The following VWF variants were observed in gnomAD, a reference collection of about 807,000 sequenced individuals.
The protein encoded by VWF is Factor VIII related antigen.
Under a neutral mutation model 308.6 loss-of-function variants are expected in VWF, and 176 were observed. That is an observed-to-expected ratio of 0.57 (90% CI 0.50 to 0.65). The LOEUF is 0.65. Among genes scored for constraint, VWF ranks in the 30% least tolerant of loss-of-function variants. The probability of loss-of-function intolerance (pLI) is 0.00; values close to 1 mark genes in which losing one functional copy is unlikely to be tolerated. For missense variants in VWF, 3,146 were observed against 3,648.2 expected (o/e 0.86, Z 3.55); for synonymous variants, 1,385 against 1,443.4 (o/e 0.96, Z 0.92).
chr12:5,967,846 G>A (rs911131992), intron 46 of VWF, among the ~76,000 whole-genome samples: 10 of 152,164 alleles, frequency 6.6e-5, no homozygotes, highest in African/African-American at 9.7e-5. Flanking sequence ...AAACTAAAAC[G>A]TGCACAATGA....
intron 43 of VWF, 35 bp downstream of exon 43, chr12:5,976,076 T>C: frequency 3.1e-6 from 5 of 1,612,734 alleles, no homozygotes; most frequent in Non-Finnish European, 4.2e-6. Context: ...CCCGCTCTGA[T>C]AGCTGCAGGC....
intron 3 of VWF, among the ~76,000 whole-genome samples, chr12:6,112,811 C>CACACACAG (rs1157043371): frequency 4.8e-4 from 70 of 145,502 alleles, no homozygotes; most frequent in African/African-American, 1.9e-3. Context: ...AGGACAACCA[C>CACACACAG]ACACACAGAC....
chr12:6,021,867 C>A, intron 27 of VWF, 33 bp downstream of exon 27: 2 of 1,614,016 alleles, frequency 1.2e-6, no homozygotes, highest in Middle Eastern at 1.7e-4. Context: ...CAATAAGATT[C>A]ATCACTTCAA....
chr12:6,046,876 A>C lies in VWF; in HGVS notation c.2187-59T>G. ...AGACTCGTCTATACTCGCTGCCTCC[A>C]CATCTTCACCTCCCACTCACTCTCT... On this transcript the variant is annotated intron_variant, in intron 16 of 51. Coordinates refer to ENST00000261405, the MANE Select transcript of VWF (RefSeq NM_000552.5). The surrounding 1 kb of genome is among the most constrained non-coding windows in gnomAD (Gnocchi z 5.0). 6.7e-7 allele frequency: 1 copy of C among 1,489,588 alleles called. No individual in the cohort carries two copies. The highest frequency in any genetic ancestry group is 1.2e-5 in the South Asian group (1 of 86,606). 92.3% of individuals were successfully genotyped at this position (1,489,588 alleles called of 1,614,324 possible).
Position 6,016,073 on chromosome 12 carries a change from T to C in VWF, c.5455+16A>G. The C allele has an allele frequency of 6.2e-7, 1 of 1,614,026 alleles. No individual in the cohort carries two copies. Among genetic ancestry groups the C allele is most frequent in the East Asian group, 2.2e-5 (1 of 44,882 alleles). ...TCTCGCTCTCCTGAATTGAGGACTG[T>C]ACACCAGATTCTTACTGTTGGACCT... On this transcript the variant is annotated intron_variant, in intron 31 of 51. Transcript: ENST00000261405.
chr12:5,972,343 A>T (rs1471626215), intron 43 of VWF, among the ~76,000 whole-genome samples: 1 of 152,210 alleles, frequency 6.6e-6, no homozygotes, highest in Non-Finnish European at 1.5e-5. Context: ...AGGTCCTCCA[A>T]TCTGGCTAAA....
At chr12:5,983,794 G>GATATAGATAGATAGAT (rs1555191860) in intron 40 of VWF, among the ~76,000 whole-genome samples, 1 of 148,656 alleles carries the variant, frequency 6.7e-6, no homozygotes, top group South Asian at 2.2e-4. Context: ...AGATACAATA[G>GATATAGATAGATAGAT]AGATAGATAG....
At chr12:5,972,853 GA>G (rs907494009) in intron 43 of VWF, among the ~76,000 whole-genome samples, 3 of 151,718 alleles carry the variant, frequency 2.0e-5, no homozygotes, top group African/African-American at 4.8e-5. Context: ...TGCCATTAAA[GA>G]AAAAAAACAA....
At chr12:5,995,282 C>A (rs1362293675) in intron 35 of VWF, among the ~76,000 whole-genome samples, 1 of 152,166 alleles carries the variant, frequency 6.6e-6, no homozygotes, top group Non-Finnish European at 1.5e-5. Flanking sequence ...TACTCACATT[C>A]CACAATGAAT....
intron 8 of VWF, among the ~76,000 whole-genome samples, chr12:6,072,778 C>T (rs1370589354): frequency 9.2e-5 from 14 of 152,138 alleles, no homozygotes; most frequent in Non-Finnish European, 1.8e-4. Flanking sequence ...CTACTCATTA[C>T]CATTCCACAG....
chr12:6,036,622 A>T, intron 18 of VWF, 131 bp from the exon 19 acceptor site: 1 of 854,594 alleles, frequency 1.2e-6, no homozygotes, highest in South Asian at 1.4e-5. Flanking sequence ...TGGCACCAGG[A>T]CCAGGGCTGA....
intron 43 of VWF, among the ~76,000 whole-genome samples, chr12:5,973,331 T>G (rs960527851): frequency 1.3e-5 from 2 of 152,220 alleles, no homozygotes; most frequent in African/African-American, 4.8e-5. Flanking sequence ...GTTTCCCAAA[T>G]AAGAATGAAA....
At chr12:6,069,096 C>T (rs1196408638) in intron 10 of VWF, among the ~76,000 whole-genome samples, 2 of 151,784 alleles carry the variant, frequency 1.3e-5, no homozygotes, top group African/African-American at 2.4e-5. Context: ...GGCTCAAGCG[C>T]TCTGCCCACT....
intron 18 of VWF, among the ~76,000 whole-genome samples, chr12:6,043,302 A>C (rs1944412945): frequency 1.3e-5 from 2 of 152,126 alleles, no homozygotes; most frequent in African/African-American, 4.8e-5. Context: ...GACACTGGTA[A>C]TTGAGTCCAC....
chr12:6,021,947 T>C lies in VWF; in HGVS notation c.3627A>G (p.Gly1209=). ...CACTGGGATTCAAGGTGACTTTCTT[T>C]CCTGAGGCAAAACGCCGGCCAGCCA... ...CEVAGRRFAS[G]KKVTLNPSDP... The change falls in exon 27 of 52, where the codon GGA becomes GGG. Residue 1209 remains glycine (G), a synonymous_variant. Coordinates refer to ENST00000261405, the MANE Select transcript of VWF (RefSeq NM_000552.5). The C allele has an allele frequency of 6.2e-7, 1 of 1,614,122 alleles. No individual in the cohort carries two copies. The highest frequency in any genetic ancestry group is 8.5e-7 in the Non-Finnish European group (1 of 1,180,020).
intron 3 of VWF, among the ~76,000 whole-genome samples, chr12:6,112,036 T>C (rs1300139390): frequency 1.3e-5 from 2 of 152,160 alleles, no homozygotes; most frequent in African/African-American, 2.4e-5. Flanking sequence ...CCTGGGCTGT[T>C]TGTTTAAAAT....
chr12:6,031,302 T>C (rs1425598255), intron 21 of VWF, 142 bp downstream of exon 21: 3 of 1,407,862 alleles, frequency 2.1e-6, no homozygotes, highest in Admixed American at 1.8e-5. Context: ...TCACGGTCAG[T>C]TGCAATAGCT....
intron 50 of VWF, 34 bp downstream of exon 50, chr12:5,951,810 G>A: frequency 1.2e-6 from 2 of 1,613,714 alleles, no homozygotes; most frequent in Non-Finnish European, 1.7e-6. Context: ...GCTCTGATGG[G>A]TTTCAAGGGA....
rs575290799 is a variant in VWF at position 6,034,906 on chromosome 12, G to A, written c.2547-80C>T. 101 of 1,569,756 alleles carry A rather than the reference G, an allele frequency of 6.4e-5. No homozygotes were observed. In the African/African-American group the frequency reaches 8.6e-4, roughly 13 times the overall value. ...CATCTGGGCCATGGAGGCAATGAAG[G>A]AACACAGAATACTCTGGGTGCCTCC... On this transcript the variant is annotated intron_variant, in intron 19 of 51. Transcript: ENST00000261405.
Sources: gnomAD v4.1 joint callset for allele counts (sites outside exome capture counted in the v4.1 genomes callset) on GRCh38, gnomAD v4.1.1 for gene constraint, Gnocchi (gnomAD v3.1) non-coding constraint, MANE v1.5 for transcripts, NCBI Gene and HGNC (gene_info 2026-07-23, HGNC 2026-07-21) for gene names.